Variants in UIMC1 observed in about 807,000 individuals in gnomAD.
The protein encoded by UIMC1 is ubiquitin interaction motif containing 1.
A neutral mutation model predicts 84.9 loss-of-function variants in UIMC1; 42 were observed. That is an observed-to-expected ratio of 0.49 (90% CI 0.39 to 0.64). The LOEUF is 0.64. Among genes scored for constraint, UIMC1 ranks in the 30% least tolerant of loss-of-function variants. UIMC1 has a pLI of 0.00. For missense variants in UIMC1, 825 were observed against 847.6 expected (o/e 0.97, Z 0.33); for synonymous variants, 281 against 293.0 (o/e 0.96, Z 0.42).
intron 3 of UIMC1, among the ~76,000 whole-genome samples, chr5:176,971,801 T>A (rs533487424): frequency 2.0e-5 from 3 of 151,024 alleles, no homozygotes; most frequent in Non-Finnish European, 3.0e-5. Flanking sequence ...CCCAGCTACT[T>A]GGGAAGCTGA....
At chr5:177,006,908 C>T (rs1161919276), upstream of UIMC1, among the ~76,000 whole-genome samples, 1 of 152,198 alleles carries the variant, frequency 6.6e-6, no homozygotes, top group Non-Finnish European at 1.5e-5. Flanking sequence ...GTTGCTTGCG[C>T]TTTGGGGGAA....
chr5:176,959,593 G>A (rs1160536759), intron 6 of UIMC1, among the ~76,000 whole-genome samples: 1 of 151,272 alleles, frequency 6.6e-6, no homozygotes, highest in Non-Finnish European at 1.5e-5. Context: ...GCAGGCGCCT[G>A]TAGTCCCAGC....
At chr5:177,002,782 C>A (rs1774718607) in intron 1 of UIMC1, among the ~76,000 whole-genome samples, 1 of 152,016 alleles carries the variant, frequency 6.6e-6, no homozygotes, top group Non-Finnish European at 1.5e-5. Context: ...CAGGACAGAA[C>A]GAGACTCTGT....
intron 1 of UIMC1, among the ~76,000 whole-genome samples, chr5:177,005,813 G>T (rs2149549099): frequency 6.6e-6 from 1 of 152,142 alleles, no homozygotes; most frequent in East Asian, 1.9e-4. Flanking sequence ...AAGAACACTG[G>T]AGTCCAGCTG....
intron 6 of UIMC1, among the ~76,000 whole-genome samples, chr5:176,959,929 G>A (rs1167031849): frequency 1.3e-5 from 2 of 152,124 alleles, no homozygotes; most frequent in Non-Finnish European, 2.9e-5. Flanking sequence ...TACTCGGGAG[G>A]CTGAGACAGG....
intron 9 of UIMC1, among the ~76,000 whole-genome samples, chr5:176,948,407 C>CAT (rs201501777): frequency 0.011 from 1,629 of 152,294 alleles, 9 homozygotes; most frequent in South Asian, 0.025. Context: ...ATCTCTACCA[C>CAT]GTTTTATATT....
At chr5:176,905,570 A>G in intron 14 of UIMC1, 78 bp from the exon 15 acceptor site, 1 of 1,285,664 alleles carries the variant, frequency 7.8e-7, no homozygotes, top group Non-Finnish European at 1.1e-6. Context: ...GTATCAGGGG[A>G]TTTTACATAT....
chr5:176,928,435 TAAC>T (rs1328597379), intron 10 of UIMC1, among the ~76,000 whole-genome samples: 13 of 152,300 alleles, frequency 8.5e-5, no homozygotes, highest in African/African-American at 2.9e-4. Context: ...CAATAACTGT[TAAC>T]AATATTAAGC....
intron 2 of UIMC1, among the ~76,000 whole-genome samples, chr5:176,980,994 G>A (rs1258043901): frequency 1.3e-5 from 2 of 152,090 alleles, no homozygotes; most frequent in African/African-American, 2.4e-5. Flanking sequence ...TCCTGTCTAA[G>A]CTTCCCGAAG....
chr5:176,969,748 A>AT, intron 4 of UIMC1, 42 bp from the exon 5 acceptor site: 1 of 1,568,208 alleles, frequency 6.4e-7, no homozygotes, highest in Non-Finnish European at 8.8e-7. Flanking sequence ...TTATTATTAA[A>AT]ATAACTATAT....
At chr5:176,992,731 G>C (rs144713937) in intron 1 of UIMC1, among the ~76,000 whole-genome samples, 8 of 151,978 alleles carry the variant, frequency 5.3e-5, no homozygotes, top group Non-Finnish European at 1.0e-4. Flanking sequence ...ACCTGAACCA[G>C]GGAGGTCAAA....
chr5:176,949,945 T>G (rs543263892), intron 9 of UIMC1, among the ~76,000 whole-genome samples: 34 of 151,604 alleles, frequency 2.2e-4, no homozygotes, highest in Admixed American at 8.5e-4. Flanking sequence ...TCCTAGTTAC[T>G]TGGGAGGCTG....
intron 10 of UIMC1, among the ~76,000 whole-genome samples, chr5:176,917,197 GCA>G (rs1162140808): frequency 6.6e-6 from 1 of 152,206 alleles, no homozygotes; most frequent in Non-Finnish European, 1.5e-5. Flanking sequence ...AGCTCCACCT[GCA>G]CAGAGTGAGG....
intron 14 of UIMC1, 146 bp downstream of exon 14, chr5:176,905,865 G>C: frequency 1.2e-6 from 1 of 804,110 alleles, no homozygotes; most frequent in South Asian, 1.6e-5. Context: ...GGGGAGCACA[G>C]AGTCATACTG....
upstream of UIMC1, among the ~76,000 whole-genome samples, chr5:177,010,100 C>T (rs1186130149): frequency 6.6e-6 from 1 of 151,902 alleles, no homozygotes; most frequent in Admixed American, 6.6e-5. Context: ...TCTGTAGTCC[C>T]AGCTACTCGA....
At chr5:176,979,590 G>A (rs1428624547) in intron 2 of UIMC1, among the ~76,000 whole-genome samples, 7 of 150,216 alleles carry the variant, frequency 4.7e-5, no homozygotes, top group South Asian at 2.1e-4. Flanking sequence ...GCAACAAAGC[G>A]AGACTTCATC....
At chr5:176,947,691 G>A (rs1225434857) in intron 9 of UIMC1, among the ~76,000 whole-genome samples, 6 of 151,974 alleles carry the variant, frequency 3.9e-5, no homozygotes, top group South Asian at 4.2e-4. Flanking sequence ...GGTGGTGGGC[G>A]CCTGTAATCC....
intron 8 of UIMC1, among the ~76,000 whole-genome samples, chr5:176,952,473 T>C (rs1302391670): frequency 6.6e-6 from 1 of 152,228 alleles, no homozygotes; most frequent in Non-Finnish European, 1.5e-5. Context: ...GGCCAAATCC[T>C]GTCAGCTGCC....
At chr5:176,955,767 T>G (rs1766517043) in intron 8 of UIMC1, among the ~76,000 whole-genome samples, 192 bp downstream of exon 8, 1 of 151,958 alleles carries the variant, frequency 6.6e-6, no homozygotes, top group African/African-American at 2.4e-5. Context: ...GAGAAAAGAT[T>G]GAGAATAAAA....
Sources: gnomAD v4.1 joint callset for allele counts (sites outside exome capture counted in the v4.1 genomes callset) on GRCh38, gnomAD v4.1.1 for gene constraint, MANE v1.5 for transcripts, NCBI Gene and HGNC (gene_info 2026-07-23, HGNC 2026-07-21) for gene names.